CACHD1: variants seen among roughly 807,000 people sequenced by gnomAD.
The protein encoded by CACHD1 is VWFA and cache domain-containing protein 1.
In CACHD1, 71 loss-of-function variants were observed where a neutral mutation model predicts 138.7. The ratio of observed to expected loss-of-function variants is 0.51; its 90% confidence interval spans 0.42 to 0.62. The LOEUF (loss-of-function observed/expected upper bound fraction) is 0.62. Ranked by LOEUF, CACHD1 falls within the 20% of genes least tolerant of loss-of-function variation. The probability of loss-of-function intolerance (pLI) is 0.00; values close to 1 mark genes in which losing one functional copy is unlikely to be tolerated. For missense variants in CACHD1, 1,389 were observed against 1,625.3 expected (o/e 0.85, Z 2.50); for synonymous variants, 578 against 591.5 (o/e 0.98, Z 0.33).
At chr1:64,523,957 C>G (rs772764796) in intron 1 of CACHD1, among the ~76,000 whole-genome samples, 2 of 151,756 alleles carry the variant, frequency 1.3e-5, no homozygotes, top group Non-Finnish European at 2.9e-5. Context: ...AAGATTCTTG[C>G]ATAGAATTGT....
chr1:64,691,476 A>C lies in CACHD1; in HGVS notation c.3740A>C (p.His1247Pro). 6.2e-7 allele frequency: 1 copy of C among 1,614,080 alleles called. No homozygotes were observed. Among genetic ancestry groups the C allele is most frequent in the Non-Finnish European group, 8.5e-7 (1 of 1,180,000 alleles). Residue 1247 changes from histidine to proline, a missense_variant, in exon 27 of 27, where the codon CAC becomes CCC. Coordinates refer to ENST00000651257, the MANE Select transcript of CACHD1 (RefSeq NM_020925.4). Reference sequence around the variant, plus strand: ...GCCCTACTAAGTCACAAGTTCCACCACTACCGGTCACACCACCCTACACTT... The same window carrying C: ...GCCCTACTAAGTCACAAGTTCCACCCCTACCGGTCACACCACCCTACACTT... ...TAALLSHKFH[H>P]YRSHHPTLHH...
At chr1:64,551,190 G>T (rs1326866931) in intron 2 of CACHD1, among the ~76,000 whole-genome samples, 1 of 151,774 alleles carries the variant, frequency 6.6e-6, no homozygotes, top group African/African-American at 2.4e-5. Context: ...TTGGATGTTG[G>T]CTTCTTTTGT....
intron 4 of CACHD1, 66 bp downstream of exon 4, chr1:64,602,978 T>C (rs780870638): frequency 2.2e-5 from 22 of 1,019,416 alleles, no homozygotes; most frequent in Non-Finnish European, 3.2e-5. Flanking sequence ...AATAAACATA[T>C]TGCTTCAATT....
At chr1:64,561,354 A>G (rs1646837626) in intron 2 of CACHD1, among the ~76,000 whole-genome samples, 1 of 152,218 alleles carries the variant, frequency 6.6e-6, no homozygotes, top group African/African-American at 2.4e-5. Context: ...AGAAAATGTT[A>G]TAGCTTTTGC....
intron 19 of CACHD1, 44 bp from the exon 20 acceptor site, chr1:64,675,355 CTT>C (rs1456863682): frequency 6.8e-7 from 1 of 1,479,564 alleles, no homozygotes; most frequent in Admixed American, 1.7e-5. Context: ...AGGGCTGAGT[CTT>C]TGCATTGCTG....
Position 64,658,882 on chromosome 1 carries a change from C to T in CACHD1, c.1951+9C>T, listed in dbSNP as rs1304634762. 3 of 1,542,238 alleles carry T rather than the reference C, an allele frequency of 1.9e-6. No homozygotes were observed. Among genetic ancestry groups the T allele is most frequent in the Non-Finnish European group, 2.6e-6 (3 of 1,143,156 alleles). ...ACAGCTGGCAACCCTAGGTAAAGCC[C>T]TTACACTTCCTTCACATTCTTACTC... is the stretch of plus-strand genomic sequence containing the variant. On this transcript the variant is annotated intron_variant, in intron 13 of 26. Transcript: ENST00000651257.
In CACHD1 at chr1:64,643,652, C is replaced by T. The variant is rs191864968; in HGVS notation, c.1156+1683C>T. 1.1e-3 allele frequency among the ~76,000 whole-genome samples: 172 copies of T among 152,168 alleles called. 1 individual carries two copies. The East Asian group carries it at 0.012, about 10-fold the overall frequency. On this transcript the variant is annotated intron_variant, in intron 8 of 26. Transcript: ENST00000651257. Reference sequence around the variant, plus strand: ...GAGATCAAGACCATCCTGGCTAACACGGTGAAACCCCATCTCTGCTAAAAA... The same window carrying T: ...GAGATCAAGACCATCCTGGCTAACATGGTGAAACCCCATCTCTGCTAAAAA...
intron 24 of CACHD1, 134 bp downstream of exon 24, chr1:64,679,890 C>G (rs891465581): frequency 1.0e-6 from 1 of 998,392 alleles, no homozygotes; most frequent in Non-Finnish European, 1.4e-6. Flanking sequence ...TGGAAGTTCC[C>G]AAAGCCTGCT....
chr1:64,511,685 G>A (rs1646421838), intron 1 of CACHD1, among the ~76,000 whole-genome samples: 1 of 152,190 alleles, frequency 6.6e-6, no homozygotes, highest in Non-Finnish European at 1.5e-5. Context: ...TGGCCACGAG[G>A]AAATTATTCC....
rs774351434 is a variant in CACHD1, at chr1:64,568,918, TTTTG to T, written c.262-13222_262-13219del. Among the ~76,000 whole-genome samples, 39 of 152,286 alleles carry T rather than the reference TTTTG, an allele frequency of 2.6e-4. No individual in the cohort carries two copies. In the East Asian group the frequency reaches 3.1e-3, roughly 12 times the overall value. On this transcript the variant is annotated intron_variant, in intron 2 of 26. Coordinates refer to ENST00000651257, the MANE Select transcript of CACHD1 (RefSeq NM_020925.4). ...CTTTGTATGTACAGTTTTTTGGTTTTTTTGTTTGTTTGTTTGTTTTGAGATGGAG... is the reference window on the plus strand; with the variant it reads ...CTTTGTATGTACAGTTTTTTGGTTTTTTTGTTTGTTTGTTTTGAGATGGAG...
chr1:64,632,639 A>T lies in CACHD1; in HGVS notation c.685A>T (p.Ile229Leu). 1.2e-6 allele frequency: 2 copies of T among 1,614,106 alleles called. No individual in the cohort carries two copies. The highest frequency in any genetic ancestry group is 1.7e-6 in the Non-Finnish European group (2 of 1,180,000). ...TACAGTCCGGCCGCAGTCAAAGCAC[A>T]TAGTAGTGATTCTGGACCACGGGGC... is the stretch of plus-strand genomic sequence containing the variant. ...VSTVRPQSKHIVVILDHGASV... is the reference protein window; with the variant it reads ...VSTVRPQSKHLVVILDHGASV... The change falls in exon 6 of 27, where the codon ATA becomes TTA. Residue 229 changes from isoleucine (I) to leucine (L), a missense_variant. Physicochemically the swap from Ile to Leu is conservative, Grantham distance 5 (BLOSUM62 2). Coordinates refer to ENST00000651257, the MANE Select transcript of CACHD1 (RefSeq NM_020925.4).
rs766422694 is a variant in CACHD1 at position 64,550,612 on chromosome 1, G to C, written c.217G>C (p.Val73Leu). 1 of 1,611,932 alleles carries C rather than the reference G, an allele frequency of 6.2e-7. No homozygotes were observed. The highest frequency in any genetic ancestry group is 1.7e-5 in the Admixed American group (1 of 59,938). The change falls in exon 2 of 27, where the codon GTT (valine) becomes CTT (leucine). Residue 73 changes from valine (V) to leucine (L), a missense_variant. Coordinates refer to ENST00000651257, the MANE Select transcript of CACHD1 (RefSeq NM_020925.4). Reference sequence around the variant, plus strand: ...ATTGCAGCGGATATTCAACTCCTTTGTTTACACTGAGAAAATCTCAAATGG... The same window carrying C: ...ATTGCAGCGGATATTCAACTCCTTTCTTTACACTGAGAAAATCTCAAATGG... ...VTMQRIFNSF[V>L]YTEKISNGES...
chr1:64,492,589 A>G (rs1048525743), intron 1 of CACHD1, among the ~76,000 whole-genome samples: 92 of 151,764 alleles, frequency 6.1e-4, no homozygotes, highest in Middle Eastern at 3.4e-3. Context: ...ATACTTCATC[A>G]TATGCCACAC....
At chr1:64,572,951 C>A (rs1018121193) in intron 2 of CACHD1, among the ~76,000 whole-genome samples, 1 of 152,170 alleles carries the variant, frequency 6.6e-6, no homozygotes, top group Non-Finnish European at 1.5e-5. Context: ...TGTCCTGTAT[C>A]GTTTCCTGCC....
In CACHD1 at chr1:64,470,898, A is replaced by G. The variant is rs913610079; in HGVS notation, c.154A>G (p.Met52Val). The G allele has an allele frequency of 5.0e-6, 8 of 1,609,282 alleles. No individual in the cohort carries two copies. In the African/African-American group the frequency reaches 5.3e-5, roughly 11 times the overall value. Residue 52 changes from methionine (M) to valine (V), a missense_variant, in exon 1 of 27, where the codon ATG (methionine) becomes GTG (valine). Met to Val is a conservative substitution (Grantham distance 21). Around this residue, in one of 5 missense-constraint regions of CACHD1, gnomAD observed 1,000 missense variants for 1,114.7 expected, o/e 0.90. Transcript: ENST00000651257. This position sits in a 1 kb window ranked among gnomAD's most constrained non-coding sequence, Gnocchi z 5.2. ...LDEAQVLASQ[M>V]RRLAAEELGV... ...CGAGGCGCAAGTGCTGGCGAGCCAGATGCGGAGGCTGGCGGCCGAGGAGCT... is the reference window on the plus strand; with the variant it reads ...CGAGGCGCAAGTGCTGGCGAGCCAGGTGCGGAGGCTGGCGGCCGAGGAGCT...
At chr1:64,647,675 T>A (rs1424517023) in intron 8 of CACHD1, 126 bp from the exon 9 acceptor site, 2 of 699,582 alleles carry the variant, frequency 2.9e-6, no homozygotes, top group East Asian at 5.4e-5. Context: ...GTCTATGTGG[T>A]CTCTGCAAAA....
intron 1 of CACHD1, among the ~76,000 whole-genome samples, chr1:64,528,470 A>G (rs1166582335): frequency 6.6e-6 from 1 of 152,242 alleles, no homozygotes; most frequent in African/African-American, 2.4e-5. Flanking sequence ...TGAAGATGAC[A>G]TTATATATTT....
intron 26 of CACHD1, among the ~76,000 whole-genome samples, chr1:64,684,223 G>A (rs114335373): frequency 0.035 from 5,273 of 152,180 alleles, 129 homozygotes; most frequent in Non-Finnish European, 0.052. Flanking sequence ...GCAAAGGTGC[G>A]ATCTCAGCTC....
chr1:64,606,554 T>C (rs899922439), intron 4 of CACHD1, among the ~76,000 whole-genome samples: 1 of 152,122 alleles, frequency 6.6e-6, no homozygotes, highest in Non-Finnish European at 1.5e-5. Flanking sequence ...CTGAATGAGA[T>C]AGAAAGCCAT....
Sources: gnomAD v4.1 joint callset for allele counts (sites outside exome capture counted in the v4.1 genomes callset) on GRCh38, gnomAD v4.1.1 for gene constraint, gnomAD v4.1.1 regional missense constraint, Gnocchi (gnomAD v3.1) non-coding constraint, MANE v1.5 for transcripts, NCBI Gene and HGNC (gene_info 2026-07-23, HGNC 2026-07-21) for gene names.